Variants in ABHD17C observed in about 807,000 individuals in gnomAD.
ABHD17C encodes the protein abhydrolase domain containing 17C, depalmitoylase.
In ABHD17C, 11 loss-of-function variants were observed where a neutral mutation model predicts 27.9. That is an observed-to-expected ratio of 0.39 (90% CI 0.25 to 0.65). The LOEUF (loss-of-function observed/expected upper bound fraction) is 0.65. Among genes scored for constraint, ABHD17C ranks in the 30% least tolerant of loss-of-function variants. ABHD17C has a pLI of 0.45. For synonymous variants in ABHD17C, 233 were observed against 209.1 expected (o/e 1.11, Z -0.98); for missense variants, 280 against 470.2 (o/e 0.60, Z 3.74).
At chr15:80,723,776 C>T (rs542439043) in intron 1 of ABHD17C, among the ~76,000 whole-genome samples, 13 of 152,268 alleles carry the variant, frequency 8.5e-5, no homozygotes, top group African/African-American at 2.9e-4. Flanking sequence ...TTTGCGTGGC[C>T]GATGGCATGA....
intron 2 of ABHD17C, among the ~76,000 whole-genome samples, chr15:80,752,812 G>A (rs1041887782): frequency 2.0e-5 from 3 of 152,112 alleles, no homozygotes; most frequent in Non-Finnish European, 2.9e-5. Context: ...CAGAGAAGTC[G>A]CCTACACACC....
At chr15:80,715,061 G>T (rs983859929) in intron 1 of ABHD17C, among the ~76,000 whole-genome samples, 1 of 152,122 alleles carries the variant, frequency 6.6e-6, no homozygotes, top group Non-Finnish European at 1.5e-5. Flanking sequence ...GATTACAGGC[G>T]TGAGCCACCG....
At chr15:80,715,203 A>G (rs1301918938) in intron 1 of ABHD17C, among the ~76,000 whole-genome samples, 1 of 152,250 alleles carries the variant, frequency 6.6e-6, no homozygotes, top group African/African-American at 2.4e-5. Context: ...TTGGAAATCA[A>G]TTGAAAGGAA....
At chr15:80,696,599 G>A (rs1894498540) in intron 1 of ABHD17C, among the ~76,000 whole-genome samples, 1 of 152,164 alleles carries the variant, frequency 6.6e-6, no homozygotes, top group Admixed American at 6.5e-5. Context: ...GTGGCACTGT[G>A]GGGCAGGAAG....
chr15:80,709,142 A>G (rs994585920), intron 1 of ABHD17C, among the ~76,000 whole-genome samples: 12 of 151,958 alleles, frequency 7.9e-5, no homozygotes, highest in African/African-American at 2.9e-4. Flanking sequence ...GTAAATATAT[A>G]CTTTTATAAA....
intron 1 of ABHD17C, among the ~76,000 whole-genome samples, chr15:80,746,693 T>C (rs1234656810): frequency 1.3e-5 from 2 of 152,212 alleles, no homozygotes; most frequent in Admixed American, 6.5e-5. Flanking sequence ...GTCCAGGACA[T>C]TGGCAGGAGA....
At chr15:80,724,403 T>C (rs1894942570) in intron 1 of ABHD17C, among the ~76,000 whole-genome samples, 1 of 152,158 alleles carries the variant, frequency 6.6e-6, no homozygotes, top group South Asian at 2.1e-4. Context: ...TGTGTACTTC[T>C]TTTCCATCAA....
intron 1 of ABHD17C, among the ~76,000 whole-genome samples, chr15:80,722,161 A>G (rs1356505049): frequency 3.3e-5 from 5 of 151,150 alleles, no homozygotes; most frequent in African/African-American, 9.7e-5. Context: ...CGAGAAGCGC[A>G]CTGGAATTCC....
At chr15:80,717,005 G>A (rs1894812344) in intron 1 of ABHD17C, among the ~76,000 whole-genome samples, 1 of 152,118 alleles carries the variant, frequency 6.6e-6, no homozygotes, top group Non-Finnish European at 1.5e-5. Context: ...TGAACAAATA[G>A]CCTGCTATTA....
intron 1 of ABHD17C, among the ~76,000 whole-genome samples, chr15:80,746,265 T>C (rs1191263436): frequency 6.6e-6 from 1 of 152,174 alleles, no homozygotes; most frequent in Non-Finnish European, 1.5e-5. Context: ...TTTGTGAAAT[T>C]CTATTTTTCT....
intron 1 of ABHD17C, among the ~76,000 whole-genome samples, chr15:80,714,630 A>G (rs773520406): frequency 6.6e-6 from 1 of 152,226 alleles, no homozygotes; most frequent in Non-Finnish European, 1.5e-5. Flanking sequence ...AGACAAAACC[A>G]GAACTTATAT....
intron 1 of ABHD17C, among the ~76,000 whole-genome samples, chr15:80,718,768 C>T (rs540495619): frequency 6.6e-6 from 1 of 152,342 alleles, no homozygotes; most frequent in East Asian, 1.9e-4. Flanking sequence ...ACTTGGAGGA[C>T]TGCAGCATCA....
At chr15:80,726,406 CA>C (rs773231808) in intron 1 of ABHD17C, among the ~76,000 whole-genome samples, 13 of 151,790 alleles carry the variant, frequency 8.6e-5, no homozygotes, top group Non-Finnish European at 1.9e-4. Context: ...CTTCTTGACT[CA>C]GGAGTAGTTT....
intron 1 of ABHD17C, among the ~76,000 whole-genome samples, chr15:80,716,515 C>T (rs544228323): frequency 1.3e-5 from 2 of 152,198 alleles, no homozygotes; most frequent in South Asian, 4.2e-4. Flanking sequence ...AGAAGAGCTA[C>T]GATCATGTCT....
intron 1 of ABHD17C, among the ~76,000 whole-genome samples, chr15:80,705,716 G>A (rs1022258927): frequency 5.9e-5 from 9 of 152,178 alleles, no homozygotes; most frequent in Non-Finnish European, 1.3e-4. Flanking sequence ...GGTGGATGTG[G>A]AAGTGGAGGA....
In ABHD17C at chr15:80,697,212, C is replaced by T. The variant is rs930213245; in HGVS notation, c.590+1193C>T. 7.4e-4 allele frequency among the ~76,000 whole-genome samples: 112 copies of T among 152,126 alleles called. 2 individuals carry two copies. Among genetic ancestry groups the T allele is most frequent in the Admixed American group, 7.3e-3 (112 of 15,274 alleles). ...TTTGCTCTATGTTGCATGTTTATGC[C>T]CTCCTGAAGTCCTGAAGGGGATGCC... On this transcript the variant is annotated intron_variant, in intron 1 of 2. Coordinates refer to ENST00000258884, the MANE Select transcript of ABHD17C (RefSeq NM_021214.2).
chr15:80,721,971 A>G (rs932228030), intron 1 of ABHD17C, among the ~76,000 whole-genome samples: 5 of 152,266 alleles, frequency 3.3e-5, no homozygotes, highest in African/African-American at 1.2e-4. Flanking sequence ...GGATTTGTAT[A>G]ACTTTCTGTT....
chr15:80,699,311 G>A (rs1425075247), intron 1 of ABHD17C, among the ~76,000 whole-genome samples: 3 of 152,214 alleles, frequency 2.0e-5, no homozygotes, highest in South Asian at 2.1e-4. Context: ...CATAATGGGC[G>A]CCCCATAAAT....
intron 1 of ABHD17C, among the ~76,000 whole-genome samples, chr15:80,728,597 A>G (rs1052409246): frequency 6.6e-6 from 1 of 152,228 alleles, no homozygotes; most frequent in Non-Finnish European, 1.5e-5. Flanking sequence ...AGTCAAGACT[A>G]TAGTGATTTG....
Sources: gnomAD v4.1 joint callset for allele counts (sites outside exome capture counted in the v4.1 genomes callset) on GRCh38, gnomAD v4.1.1 for gene constraint, MANE v1.5 for transcripts, NCBI Gene and HGNC (gene_info 2026-07-23, HGNC 2026-07-21) for gene names.